Variants in ITCH observed in about 807,000 individuals in gnomAD.
The protein encoded by ITCH is E3 ubiquitin-protein ligase Itchy homolog.
A neutral mutation model predicts 126.8 loss-of-function variants in ITCH; 28 were observed. That is an observed-to-expected ratio of 0.22 (90% CI 0.16 to 0.30). The LOEUF is 0.30. Among genes scored for constraint, ITCH ranks in the 10% least tolerant of loss-of-function variants. The probability of loss-of-function intolerance (pLI) is 1.00; values close to 1 mark genes in which losing one functional copy is unlikely to be tolerated. For missense variants in ITCH, 631 were observed against 1,032.4 expected, an observed-to-expected ratio of 0.61 and a Z score of 5.33; for synonymous variants, 342 against 340.0, an observed-to-expected ratio of 1.01 and a Z score of -0.06.
intron 20 of ITCH, among the ~76,000 whole-genome samples, chr20:34,487,011 G>GTT: frequency 2.2e-5 from 2 of 92,508 alleles, no homozygotes; most frequent in East Asian, 3.4e-4. Flanking sequence ...GTATTTGTTA[G>GTT]GTTTTTTTTT....
intron 3 of ITCH, among the ~76,000 whole-genome samples, chr20:34,397,906 TA>T (rs1180464059): frequency 6.6e-6 from 1 of 152,108 alleles, no homozygotes; most frequent in African/African-American, 2.4e-5. Context: ...TTTACTGATT[TA>T]AAAAAATAGT....
chr20:34,489,444 C>A, intron 21 of ITCH, 58 bp downstream of exon 21: 1 of 1,491,084 alleles, frequency 6.7e-7, no homozygotes, highest in South Asian at 1.1e-5. Context: ...CTTAAGTTGT[C>A]TGCTTTTAAC....
Position 34,508,112 on chromosome 20 carries a change from A to G in ITCH, c.*318A>G, listed in dbSNP as rs967823066. On this transcript the variant is annotated 3_prime_UTR_variant, in exon 25 of 25. Transcript: ENST00000374864. ...TGTGTCAAAAGTCTCACTTGGGAGT[A>G]GTGTTTTTTTCTTTTAGACATTCTG... The G allele has an allele frequency of 5.9e-6, 2 of 337,134 alleles. No homozygotes were observed. Among genetic ancestry groups the G allele is most frequent in the Non-Finnish European group, 1.2e-5 (2 of 173,700 alleles). The allele number at this position is 337,134 out of a possible 1,614,324, so 20.9% of individuals were successfully genotyped here.
intron 3 of ITCH, chr20:34,401,757 A>C: frequency 2.3e-6 from 1 of 436,260 alleles, no homozygotes; most frequent in Non-Finnish European, 3.0e-6. Flanking sequence ...CCCCTAAAAA[A>C]GAGGAGGGGG....
At position 34,507,791 on chromosome 20, in the gene ITCH, G is replaced by A; in HGVS notation, c.2586G>A (p.Glu862=). The change falls in exon 25 of 25, where the codon GAG becomes GAA. Residue 862 remains glutamate (E), a synonymous_variant. Coordinates refer to ENST00000374864, the MANE Select transcript of ITCH (RefSeq NM_031483.7). ...AIEETEGFGQ[E] ...AAGAAACAGAAGGATTTGGACAAGA[G>A]TAACTTCTGAGAACTTGCACCATGA... The A allele has an allele frequency of 6.2e-7, 1 of 1,612,064 alleles. No individual in the cohort carries two copies. Among genetic ancestry groups the A allele is most frequent in the Non-Finnish European group, 8.5e-7 (1 of 1,178,222 alleles).
chr20:34,491,358 A>G (rs1243649653), intron 22 of ITCH, among the ~76,000 whole-genome samples: 1 of 152,226 alleles, frequency 6.6e-6, no homozygotes, highest in African/African-American at 2.4e-5. Context: ...GGGCAGCTTC[A>G]TAGAGGCAAA....
At chr20:34,372,340 G>A (rs1218817153) in intron 2 of ITCH, among the ~76,000 whole-genome samples, 3 of 130,718 alleles carry the variant, frequency 2.3e-5, no homozygotes, top group African/African-American at 8.8e-5. Context: ...GCTTCATAAT[G>A]TCTGATGCTT....
chr20:34,436,167 C>CT (rs1982979317), intron 7 of ITCH, among the ~76,000 whole-genome samples: 1 of 152,198 alleles, frequency 6.6e-6, no homozygotes, highest in African/African-American at 2.4e-5. Flanking sequence ...ATCTCATGCA[C>CT]TGAATGTTCC....
chr20:34,472,369 A>AT (rs1254343320), intron 16 of ITCH, among the ~76,000 whole-genome samples: 2 of 128,288 alleles, frequency 1.6e-5, no homozygotes, highest in South Asian at 2.7e-4. Context: ...CTCCATCTCA[A>AT]TTTAAAAAAA....
intron 2 of ITCH, among the ~76,000 whole-genome samples, chr20:34,373,944 G>A (rs1007593775): frequency 5.3e-5 from 8 of 151,616 alleles, no homozygotes; most frequent in Admixed American, 6.6e-5. Context: ...GAGTGCAGTG[G>A]CACAGTCTTG....
intron 7 of ITCH, among the ~76,000 whole-genome samples, chr20:34,429,648 A>G (rs903373264): frequency 6.6e-6 from 1 of 152,212 alleles, no homozygotes; most frequent in Non-Finnish European, 1.5e-5. Flanking sequence ...TTCATTATAT[A>G]AGAAGTCTGT....
At chr20:34,425,148 GA>G (rs1320797206) in intron 7 of ITCH, among the ~76,000 whole-genome samples, 1 of 152,224 alleles carries the variant, frequency 6.6e-6, no homozygotes, top group African/African-American at 2.4e-5. Context: ...TGTGCTCACA[GA>G]AACATGTGCT....
chr20:34,511,008 C>G lies in ITCH; in HGVS notation c.*3214C>G, dbSNP rs1315048626. Reference sequence around the variant, plus strand: ...TAATCCGAAATGTTACCGGGGTTGACTCACGGAATTAAATTTTTCCTCTAT... The same window carrying G: ...TAATCCGAAATGTTACCGGGGTTGAGTCACGGAATTAAATTTTTCCTCTAT... On this transcript the variant is annotated 3_prime_UTR_variant, in exon 25 of 25. Coordinates refer to ENST00000374864, the MANE Select transcript of ITCH (RefSeq NM_031483.7). 6.6e-6 allele frequency: 1 copy of G among 152,184 alleles called. No individual in the cohort carries two copies. Among genetic ancestry groups the G allele is most frequent in the Non-Finnish European group, 1.5e-5 (1 of 68,026 alleles). The allele number at this position is 152,184 out of a possible 1,614,324, so 9.4% of individuals were successfully genotyped here.
chr20:34,463,450 G>A (rs1227649736), intron 14 of ITCH, among the ~76,000 whole-genome samples: 2 of 152,122 alleles, frequency 1.3e-5, no homozygotes, highest in Non-Finnish European at 2.9e-5. Flanking sequence ...TAGGGTTAGG[G>A]TTAGGATGAC....
At chr20:34,413,544 A>C (rs919071173) in intron 5 of ITCH, among the ~76,000 whole-genome samples, 198 bp from the exon 6 acceptor site, 1 of 152,190 alleles carries the variant, frequency 6.6e-6, no homozygotes, top group Non-Finnish European at 1.5e-5. Flanking sequence ...ACATTAGCAT[A>C]TTTTGTCCTT....
At chr20:34,396,455 AAGT>A (rs778416971) in intron 3 of ITCH, among the ~76,000 whole-genome samples, 20 of 152,002 alleles carry the variant, frequency 1.3e-4, no homozygotes, top group Non-Finnish European at 2.8e-4. Flanking sequence ...AGTGGGTGTG[AAGT>A]AGTATTTTAC....
At chr20:34,435,080 GTTT>G (rs1242878824) in intron 7 of ITCH, among the ~76,000 whole-genome samples, 1 of 151,790 alleles carries the variant, frequency 6.6e-6, no homozygotes, top group African/African-American at 2.4e-5. Flanking sequence ...TAAACCCATG[GTTT>G]TACTACTAGG....
chr20:34,429,378 A>C (rs929750171), intron 7 of ITCH, among the ~76,000 whole-genome samples: 3 of 152,212 alleles, frequency 2.0e-5, no homozygotes, highest in Non-Finnish European at 1.5e-5. Context: ...AAACTTATTA[A>C]AATAAATAAA....
chr20:34,462,347 G>C, intron 14 of ITCH, 126 bp downstream of exon 14: 1 of 948,716 alleles, frequency 1.1e-6, no homozygotes, highest in South Asian at 1.4e-5. Context: ...ATAGGTTTCT[G>C]TTCATTAAGT....
Sources: allele counts gnomAD v4.1 joint callset (sites outside exome capture counted in the v4.1 genomes callset), GRCh38; gene constraint gnomAD v4.1.1; transcripts MANE v1.5; gene names NCBI Gene and HGNC (gene_info 2026-07-23, HGNC 2026-07-21).